Variants in RNF157 observed in about 807,000 individuals in gnomAD.
The protein encoded by RNF157 is ring finger protein 157.
RNF157 carries 55 observed loss-of-function variants against 88.3 expected under a neutral mutation model. The ratio of observed to expected loss-of-function variants is 0.62; its 90% CI spans 0.50 to 0.78. The LOEUF is 0.78. Ranked by LOEUF, RNF157 falls within the 30% of genes least tolerant of loss-of-function variation. The probability of loss-of-function intolerance (pLI) is 0.00; values close to 1 mark genes in which losing one functional copy is unlikely to be tolerated. For synonymous variants in RNF157, 334 were observed against 341.2 expected, an observed-to-expected ratio of 0.98 and a Z score of 0.23; for missense variants, 788 against 860.8, an observed-to-expected ratio of 0.92 and a Z score of 1.06.
At position 76,205,066 on chromosome 17, in the gene RNF157, C is replaced by T. The variant is rs143241709; in HGVS notation, c.207+7298G>A. Among the ~76,000 whole-genome samples the T allele has an allele frequency of 2.2e-3, 331 of 151,606 alleles. 12 individuals carry two copies. The East Asian group carries it at 0.043, about 20-fold the overall frequency. On this transcript the variant is annotated intron_variant, in intron 2 of 18. Transcript: ENST00000269391. ...TGTCCCAAAGTGCTGGGATTAGAGG[C>T]GTGAGCCACCATGCCCAGTCTCCTT...
intron 3 of RNF157, among the ~76,000 whole-genome samples, chr17:76,169,656 T>C (rs1475166953): frequency 3.3e-5 from 5 of 151,326 alleles, no homozygotes; most frequent in Admixed American, 2.0e-4. Flanking sequence ...CTTGGCTCAT[T>C]GCAACCTCTG....
intron 18 of RNF157, among the ~76,000 whole-genome samples, chr17:76,148,433 A>AT (rs1433333918): frequency 1.7e-4 from 25 of 150,880 alleles, no homozygotes; most frequent in South Asian, 6.3e-4. Flanking sequence ...CGCCTGGCTA[A>AT]TTTTTTTGTA....
rs1212875439 is a variant in RNF157 at position 76,160,078 on chromosome 17, C to G, written c.1066-505G>C. On this transcript the variant is annotated intron_variant, in intron 11 of 18. Transcript: ENST00000269391. The surrounding 1 kb of genome is among the most constrained non-coding windows in gnomAD (Gnocchi z 4.3). ...CAATTGATCCTCCCACCATGGCCTC[C>G]CAAAGTGCTAGGATTACAGATGTAA... Among the ~76,000 whole-genome samples, 1 of 152,274 alleles carries G rather than the reference C, an allele frequency of 6.6e-6. No homozygotes were observed. The highest frequency in any genetic ancestry group is 2.1e-4 in the South Asian group (1 of 4,820).
In RNF157 at chr17:76,239,722, C is replaced by T. The variant is rs577834052; in HGVS notation, c.88+431G>A. On this transcript the variant is annotated intron_variant, in intron 1 of 18. Coordinates refer to ENST00000269391, the MANE Select transcript of RNF157 (RefSeq NM_052916.3). ...CCTGGCGCAAGTGCCTGTTTGGATG[C>T]CGAGGTCGCCTCCCTCGCGGCCCTC... 5.3e-5 allele frequency among the ~76,000 whole-genome samples: 8 copies of T among 152,324 alleles called. No individual in the cohort carries two copies. The East Asian group carries it at 1.4e-3, about 26-fold the overall frequency.
chr17:76,220,371 T>C (rs544375298), intron 1 of RNF157, among the ~76,000 whole-genome samples: 32 of 138,288 alleles, frequency 2.3e-4, no homozygotes, highest in Admixed American at 2.9e-4. Context: ...AGTCAATGAG[T>C]TCGTAATGAT....
intron 2 of RNF157, among the ~76,000 whole-genome samples, chr17:76,184,258 G>T (rs887707531): frequency 6.6e-6 from 1 of 150,510 alleles, no homozygotes; most frequent in East Asian, 1.9e-4. Flanking sequence ...TTATGCCAGA[G>T]AATCAAATAA....
intron 1 of RNF157, chr17:76,226,944 T>C (rs571625860): frequency 4.5e-5 from 30 of 668,078 alleles, no homozygotes; most frequent in Admixed American, 2.2e-4. Flanking sequence ...AGCCTGGTGC[T>C]GCTGCCGCCG....
chr17:76,165,333 G>A (rs2068905559), intron 7 of RNF157, among the ~76,000 whole-genome samples, 169 bp downstream of exon 7: 3 of 152,074 alleles, frequency 2.0e-5, no homozygotes, highest in South Asian at 2.1e-4. Flanking sequence ...TATCGCCCAG[G>A]CTGGAGTGCG....
chr17:76,182,760 C>CAT (rs377581288), intron 2 of RNF157, among the ~76,000 whole-genome samples: 12,940 of 93,024 alleles, frequency 0.14, 910 homozygotes, highest in Non-Finnish European at 0.15. Context: ...GGCCTCGTCT[C>CAT]ATATATATAT....
intron 2 of RNF157, among the ~76,000 whole-genome samples, chr17:76,192,520 C>T (rs948878692): frequency 1.3e-5 from 2 of 152,162 alleles, no homozygotes; most frequent in African/African-American, 2.4e-5. Flanking sequence ...AATGAATACA[C>T]GAACAACAAG....
intron 2 of RNF157, among the ~76,000 whole-genome samples, chr17:76,182,104 TACA>T (rs969530548): frequency 6.6e-6 from 1 of 152,108 alleles, no homozygotes; most frequent in African/African-American, 2.4e-5. Context: ...CATGCTTGGA[TACA>T]ACATCCTCCT....
chr17:76,197,110 A>AC (rs11392375), intron 2 of RNF157, among the ~76,000 whole-genome samples: 25,790 of 152,146 alleles, frequency 0.17, 5,657 homozygotes, highest in African/African-American at 0.51. Context: ...TGGATCACCC[A>AC]CAGCCAGATG....
rs142642824 is a variant in RNF157, at chr17:76,172,550, T to G, written c.296+1152A>C. ...AGGTTGCAGTGAGCCGAGATCGCAG[T>G]GAGCCGAGATCGTGCCATTGCACTC... On this transcript the variant is annotated intron_variant, in intron 3 of 18. Coordinates refer to ENST00000269391, the MANE Select transcript of RNF157 (RefSeq NM_052916.3). 8.0e-3 allele frequency among the ~76,000 whole-genome samples: 1,080 copies of G among 134,338 alleles called. 15 individuals are homozygous for G. Among genetic ancestry groups the G allele is most frequent in the African/African-American group, 0.03 (1,026 of 34,768 alleles). 88.1% of individuals were successfully genotyped at this position (134,338 alleles called of 152,430 possible). A position where few individuals can be genotyped will look rare whatever the true frequency, so the allele number is the denominator to read the frequency against.
chr17:76,212,442 C>T lies in RNF157; in HGVS notation c.129G>A (p.Lys43=), dbSNP rs748506266. The stretch of plus-strand genomic sequence containing the variant: ...AACCTTCAGGATGAGTTGAGTCAAA[C>T]TTCTCTCCTCCCATAATGAAGTGGC... ...FASHFIMGGE[K]FDSTHPEGYL... is the part of the protein sequence containing the mutation. Residue 43 remains lysine, a synonymous_variant, in exon 2 of 19, where the codon AAG becomes AAA. Transcript: ENST00000269391. The T allele has an allele frequency of 5.6e-6, 9 of 1,613,804 alleles. No homozygotes were observed. Among genetic ancestry groups the T allele is most frequent in the South Asian group, 1.1e-5 (1 of 91,088 alleles).
chr17:76,219,186 C>T (rs976051303), intron 1 of RNF157, among the ~76,000 whole-genome samples: 2 of 151,752 alleles, frequency 1.3e-5, no homozygotes, highest in Non-Finnish European at 2.9e-5. Flanking sequence ...AACAATTTAA[C>T]AGCAGTATAT....
chr17:76,222,524 T>C (rs2070003368), intron 1 of RNF157, among the ~76,000 whole-genome samples: 1 of 152,134 alleles, frequency 6.6e-6, no homozygotes, highest in African/African-American at 2.4e-5. Flanking sequence ...AATGCTGTCA[T>C]TTGAATTTTT....
At chr17:76,147,125 TG>T (rs1350976243) in intron 18 of RNF157, 4 of 985,146 alleles carry the variant, frequency 4.1e-6, no homozygotes, top group African/African-American at 1.7e-5. Context: ...TGAGTCAAGG[TG>T]TTTTTTTTCA....
chr17:76,202,073 G>C (rs558975077), intron 2 of RNF157, among the ~76,000 whole-genome samples: 1 of 150,274 alleles, frequency 6.7e-6, no homozygotes, highest in Non-Finnish European at 1.5e-5. Context: ...AAGAAGGAAA[G>C]AAGATAGCAT....
intron 2 of RNF157, 143 bp from the exon 3 acceptor site, chr17:76,173,933 C>A (rs377715203): frequency 4.3e-6 from 3 of 692,580 alleles, no homozygotes; most frequent in Non-Finnish European, 7.5e-6. Context: ...ACTGAAACTC[C>A]GACATACTGA....
Sources: allele counts gnomAD v4.1 joint callset (sites outside exome capture counted in the v4.1 genomes callset), GRCh38; gene constraint gnomAD v4.1.1; non-coding constraint Gnocchi (gnomAD v3.1); transcripts MANE v1.5; gene names NCBI Gene and HGNC (gene_info 2026-07-23, HGNC 2026-07-21).